The following INSYN2A variants were observed in gnomAD, a reference collection of about 807,000 sequenced individuals.
INSYN2A encodes inhibitory synaptic factor 2A, also known as family with sequence similarity 196 member A.
Under a neutral mutation model 39.4 loss-of-function variants are expected in INSYN2A, and 17 were observed. The ratio of observed to expected loss-of-function variants is 0.43; its 90% confidence interval spans 0.30 to 0.65. The LOEUF (loss-of-function observed/expected upper bound fraction) is 0.65. INSYN2A is among the 30% of genes least tolerant of loss of function. The probability of loss-of-function intolerance (pLI) is 0.14; values close to 1 mark genes in which losing one functional copy is unlikely to be tolerated. For synonymous variants in INSYN2A, 255 were observed against 265.7 expected (o/e 0.96, Z 0.39); for missense variants, 595 against 631.2 (o/e 0.94, Z 0.61).
intron 5 of INSYN2A, among the ~76,000 whole-genome samples, chr10:127,143,647 G>C (rs967778778): frequency 3.9e-5 from 6 of 152,158 alleles, no homozygotes; most frequent in African/African-American, 1.4e-4. Context: ...CGCCAACTTG[G>C]CCGGTTTTAT....
At chr10:127,147,885 G>A (rs543986098) in intron 5 of INSYN2A, among the ~76,000 whole-genome samples, 4 of 151,656 alleles carry the variant, frequency 2.6e-5, no homozygotes, top group Non-Finnish European at 4.4e-5. Flanking sequence ...ACAAAAATTA[G>A]CCAGGATTGG....
chr10:127,156,711 GGCATAC>G (rs2053117829), intron 4 of INSYN2A, among the ~76,000 whole-genome samples: 1 of 151,738 alleles, frequency 6.6e-6, no homozygotes, highest in Non-Finnish European at 1.5e-5. Flanking sequence ...TGGGATTACA[GGCATAC>G]GCCACCACTC....
At chr10:127,161,282 G>C (rs2053571787) in intron 4 of INSYN2A, among the ~76,000 whole-genome samples, 1 of 152,210 alleles carries the variant, frequency 6.6e-6, no homozygotes, top group Admixed American at 6.5e-5. Flanking sequence ...ATTTATGGTT[G>C]CTAAAAGAAT....
chr10:127,164,271 C>T (rs558504201), intron 4 of INSYN2A, among the ~76,000 whole-genome samples: 65 of 142,612 alleles, frequency 4.6e-4, no homozygotes, highest in African/African-American at 1.6e-3. Flanking sequence ...GCAAACTCCA[C>T]CTCCCAGGTT....
intron 4 of INSYN2A, among the ~76,000 whole-genome samples, chr10:127,159,137 CAG>C (rs1437026156): frequency 6.6e-6 from 1 of 152,210 alleles, no homozygotes; most frequent in African/African-American, 2.4e-5. Flanking sequence ...CTGTTAGAAA[CAG>C]AAGGGATCTG....
Position 127,136,055 on chromosome 10 carries a change from T to G in INSYN2A, c.*1782A>C, listed in dbSNP as rs1191631662. ...CAAAATATTTCTCAGTTCCTTTTAT[T>G]GATATTCAGGGATTCGAACTTCATA... On this transcript the variant is annotated 3_prime_UTR_variant, in exon 6 of 6. Transcript: ENST00000522781. 1 of 152,638 alleles carries G rather than the reference T, an allele frequency of 6.6e-6. No homozygotes were observed. The highest frequency in any genetic ancestry group is 1.5e-5 in the Non-Finnish European group (1 of 68,050). The allele number at this position is 152,638 out of a possible 1,614,324, so 9.5% of individuals were successfully genotyped here.
At chr10:127,178,521 T>A (rs2055399908) in intron 2 of INSYN2A, among the ~76,000 whole-genome samples, 1 of 151,968 alleles carries the variant, frequency 6.6e-6, no homozygotes, top group Admixed American at 6.6e-5. Context: ...GGGAGCAGAG[T>A]CTTGCCTGGC....
At chr10:127,144,433 T>G (rs2051590608) in intron 5 of INSYN2A, among the ~76,000 whole-genome samples, 1 of 152,226 alleles carries the variant, frequency 6.6e-6, no homozygotes, top group Admixed American at 6.5e-5. Context: ...CATTGAAGGA[T>G]GGACCATGTT....
chr10:127,168,296 A>G (rs554376923), intron 4 of INSYN2A, among the ~76,000 whole-genome samples: 34 of 152,356 alleles, frequency 2.2e-4, no homozygotes, highest in African/African-American at 7.0e-4. Context: ...GGAGAGAGAC[A>G]TCGAAACTGA....
Position 127,137,733 on chromosome 10 carries a change from G to T in INSYN2A, c.*104C>A. 1 of 1,084,682 alleles carries T rather than the reference G, an allele frequency of 9.2e-7. No homozygotes were observed. Among genetic ancestry groups the T allele is most frequent in the Non-Finnish European group, 1.3e-6 (1 of 759,778 alleles). The allele number at this position is 1,084,682 out of a possible 1,614,324, so 67.2% of individuals were successfully genotyped here. On this transcript the variant is annotated 3_prime_UTR_variant, in exon 6 of 6. Coordinates refer to ENST00000522781, the MANE Select transcript of INSYN2A (RefSeq NM_001039762.3). ...GCAGGGCGAGAAGTGGGAGGTGCCT[G>T]AATGGGCACCACAGTTCCCTCGATC... is the stretch of plus-strand genomic sequence containing the variant.
chr10:127,181,085 G>T (rs756179004), intron 2 of INSYN2A, among the ~76,000 whole-genome samples: 1 of 152,160 alleles, frequency 6.6e-6, no homozygotes, highest in Non-Finnish European at 1.5e-5. Context: ...ATGAGATGGG[G>T]CTATAAGTAA....
intron 4 of INSYN2A, among the ~76,000 whole-genome samples, chr10:127,169,812 C>G (rs1238701128): frequency 6.6e-6 from 1 of 152,194 alleles, no homozygotes; most frequent in African/African-American, 2.4e-5. Flanking sequence ...TGTATGTGCA[C>G]ATGACCTTCC....
chr10:127,153,962 TG>T (rs768106968), intron 4 of INSYN2A, 39 bp from the exon 5 acceptor site: 9 of 1,460,988 alleles, frequency 6.2e-6, no homozygotes, highest in Admixed American at 1.7e-5. Context: ...AAGCGGTGGC[TG>T]GGGGTCACTG....
At chr10:127,158,835 C>G (rs1007083793) in intron 4 of INSYN2A, among the ~76,000 whole-genome samples, 61 of 152,152 alleles carry the variant, frequency 4.0e-4, no homozygotes, top group Admixed American at 3.3e-3. Flanking sequence ...ATGCATATAG[C>G]TTGGAAAACA....
Position 127,175,509 on chromosome 10 carries a change from C to T in INSYN2A, c.887G>A (p.Gly296Glu). The change falls in exon 4 of 6, where the codon GGG becomes GAG. Residue 296 changes from glycine (G) to glutamate (E), a missense_variant. Gly to Glu is a moderately conservative substitution (Grantham distance 98). Transcript: ENST00000522781. This position sits in a 1 kb window ranked among gnomAD's most constrained non-coding sequence, Gnocchi z 6.3. ...GGCAGTTTCCGAGGGCGCCTGGAGC[C>T]CGTTGAGATGTGTGGCTCTCCTCCG... ...DERRRATHLN[G>E]LQAPSETALA... 6.2e-7 allele frequency: 1 copy of T among 1,609,014 alleles called. No homozygotes were observed. The highest frequency in any genetic ancestry group is 8.5e-7 in the Non-Finnish European group (1 of 1,180,006).
intron 4 of INSYN2A, among the ~76,000 whole-genome samples, chr10:127,159,600 T>C (rs972310969): frequency 6.6e-6 from 1 of 152,152 alleles, no homozygotes; most frequent in African/African-American, 2.4e-5. Context: ...TTTGGACCAA[T>C]AGCAAAAGAG....
In INSYN2A at chr10:127,176,313, A is replaced by T. The variant is rs773204442; in HGVS notation, c.83T>A (p.Met28Lys). The change falls in exon 4 of 6, where the codon ATG becomes AAG. Residue 28 changes from methionine to lysine, a missense_variant. Around this residue, in one of 2 missense-constraint regions of INSYN2A, gnomAD observed 478 missense variants for 467.4 expected, o/e 1.02. Transcript: ENST00000522781. This position sits in a 1 kb window ranked among gnomAD's most constrained non-coding sequence, Gnocchi z 4.4. ...VEPAACLALE[M>K]KYALDPNRQI... Reference sequence around the variant, plus strand: ...CCGGTTGGGGTCCAGGGCGTATTTCATCTCCAGGGCCAGGCAGGCGGCGGG... The same window carrying T: ...CCGGTTGGGGTCCAGGGCGTATTTCTTCTCCAGGGCCAGGCAGGCGGCGGG... 3 of 1,613,920 alleles carry T rather than the reference A, an allele frequency of 1.9e-6. No individual in the cohort carries two copies. Among genetic ancestry groups the T allele is most frequent in the Non-Finnish European group, 8.5e-7 (1 of 1,180,008 alleles).
chr10:127,175,449 G>A lies in INSYN2A; in HGVS notation c.947C>T (p.Pro316Leu), dbSNP rs1483094838. The change falls in exon 4 of 6, where the codon CCC becomes CTC. Residue 316 changes from proline to leucine, a missense_variant. Pro to Leu is a moderately conservative substitution (Grantham distance 98). Coordinates refer to ENST00000522781, the MANE Select transcript of INSYN2A (RefSeq NM_001039762.3). This position sits in a 1 kb window ranked among gnomAD's most constrained non-coding sequence, Gnocchi z 6.3. ...CTGCGACGGCTGCTCACTACATTCG[G>A]GGGACAGGCACTGCATCGGGGGTGA... ...ACSPPMQCLSPECSEQPSQTH... is the reference protein window; with the variant it reads ...ACSPPMQCLSLECSEQPSQTH... 2 of 1,611,668 alleles carry A rather than the reference G, an allele frequency of 1.2e-6. No individual in the cohort carries two copies. Among genetic ancestry groups the A allele is most frequent in the Middle Eastern group, 1.6e-4 (1 of 6,084 alleles).
chr10:127,160,400 T>C (rs2053496382), intron 4 of INSYN2A, among the ~76,000 whole-genome samples: 1 of 152,172 alleles, frequency 6.6e-6, no homozygotes. Flanking sequence ...GGATGGGGCA[T>C]TTGTGTGTGC....
Sources: gnomAD v4.1 joint callset for allele counts (sites outside exome capture counted in the v4.1 genomes callset) on GRCh38, gnomAD v4.1.1 for gene constraint, gnomAD v4.1.1 regional missense constraint, Gnocchi (gnomAD v3.1) non-coding constraint, MANE v1.5 for transcripts, NCBI Gene and HGNC (gene_info 2026-07-23, HGNC 2026-07-21) for gene names.